EPB41L3: variants seen among roughly 807,000 people sequenced by gnomAD.
The protein encoded by EPB41L3 is band 4.1-like protein 3.
Under a neutral mutation model 127.1 loss-of-function variants are expected in EPB41L3, and 57 were observed. The observed-to-expected ratio is 0.45, with a 90% CI of 0.36 to 0.56. EPB41L3 has a LOEUF of 0.56. Among genes scored for constraint, EPB41L3 ranks in the 20% least tolerant of loss-of-function variants. EPB41L3 has a pLI of 0.00. For missense variants in EPB41L3, 1,273 were observed against 1,372.2 expected, an observed-to-expected ratio of 0.93 and a Z score of 1.14; for synonymous variants, 572 against 549.5, an observed-to-expected ratio of 1.04 and a Z score of -0.57.
chr18:5,427,832 G>A (rs569915596), intron 9 of EPB41L3, among the ~76,000 whole-genome samples: 1 of 151,608 alleles, frequency 6.6e-6, no homozygotes, highest in African/African-American at 2.4e-5. Flanking sequence ...TGCAAGCTCC[G>A]CCCCCTGGGT....
intron 3 of EPB41L3, among the ~76,000 whole-genome samples, chr18:5,459,764 T>A (rs562701948): frequency 6.6e-6 from 1 of 152,250 alleles, no homozygotes; most frequent in Non-Finnish European, 1.5e-5. Context: ...TGATTATACA[T>A]GATGCACATA....
intron 3 of EPB41L3, among the ~76,000 whole-genome samples, chr18:5,457,795 C>T (rs142399040): frequency 1.2e-4 from 19 of 152,256 alleles, no homozygotes; most frequent in Non-Finnish European, 1.6e-4. Context: ...AAGCCTTCTA[C>T]CCGTTCGTCC....
At chr18:5,517,968 C>T (rs2092817568) in intron 1 of EPB41L3, among the ~76,000 whole-genome samples, 1 of 152,118 alleles carries the variant, frequency 6.6e-6, no homozygotes, top group Non-Finnish European at 1.5e-5. Context: ...CTTTGAAGAG[C>T]TTAACTGGCG....
At chr18:5,420,972 GAC>G (rs2145078236) in intron 11 of EPB41L3, among the ~76,000 whole-genome samples, 1 of 152,246 alleles carries the variant, frequency 6.6e-6, no homozygotes, top group South Asian at 2.1e-4. Flanking sequence ...GCTCATATGA[GAC>G]ACAACTTCCT....
At chr18:5,630,317 C>T, upstream of EPB41L3, 1 of 512,746 alleles carries the variant, frequency 2.0e-6, no homozygotes, top group Non-Finnish European at 3.9e-6. Context: ...CGCCCCTGCC[C>T]ACGGGGCTAG....
At chr18:5,436,119 A>G (rs1007503694) in intron 6 of EPB41L3, among the ~76,000 whole-genome samples, 2 of 150,702 alleles carry the variant, frequency 1.3e-5, no homozygotes, top group South Asian at 4.2e-4. Flanking sequence ...ACTGCCAAAG[A>G]CCCCAAGGTA....
intron 6 of EPB41L3, among the ~76,000 whole-genome samples, chr18:5,435,149 A>G (rs2079573004): frequency 2.0e-5 from 3 of 152,236 alleles, no homozygotes; most frequent in African/African-American, 7.2e-5. Context: ...GTGCAGCTGT[A>G]TGATGTGTGT....
chr18:5,394,967 C>G, intron 21 of EPB41L3, 100 bp downstream of exon 21: 1 of 1,303,842 alleles, frequency 7.7e-7, no homozygotes, highest in Non-Finnish European at 1.1e-6. Flanking sequence ...GAATTTTCTT[C>G]GGAATACATG....
intron 3 of EPB41L3, chr18:5,577,538 A>G (rs963924272): frequency 1.3e-5 from 4 of 315,270 alleles, no homozygotes; most frequent in African/African-American, 8.9e-5. Context: ...TCAACACTCC[A>G]AAAATCAAGC....
At chr18:5,541,055 A>G (rs2093708270) in intron 1 of EPB41L3, among the ~76,000 whole-genome samples, 1 of 128,588 alleles carries the variant, frequency 7.8e-6, no homozygotes, top group Non-Finnish European at 1.7e-5. Flanking sequence ...ACTGCACTCC[A>G]GCCTGGGCGA....
chr18:5,554,121 G>A (rs1940999), intron 3 of EPB41L3, among the ~76,000 whole-genome samples: 10,868 of 152,270 alleles, frequency 0.071, 1,173 homozygotes, highest in African/African-American at 0.24. Flanking sequence ...CACAGTAAAA[G>A]CAAAACTGTG....
Position 5,454,107 on chromosome 18 carries a change from T to C in EPB41L3, c.382-8863A>G, listed in dbSNP as rs562966912. ...ACACCTGGACTCTGTGTAAGTCACC[T>C]TTCCTGGGCTTCCTTTTTTTCTAAC... On this transcript the variant is annotated intron_variant, in intron 3 of 22. Transcript: ENST00000341928. Among the ~76,000 whole-genome samples the C allele has an allele frequency of 2.0e-5, 3 of 152,246 alleles. No individual in the cohort carries two copies. The East Asian group carries it at 5.8e-4, about 29-fold the overall frequency.
rs565193283 is a variant in EPB41L3, at chr18:5,398,665, C to T, written c.2350-522G>A. ...ACACTGGTTACCACTACTCGGGAGGCGGATGACTCAGTAACGTAATGGGCA... is the reference window on the plus strand; with the variant it reads ...ACACTGGTTACCACTACTCGGGAGGTGGATGACTCAGTAACGTAATGGGCA... On this transcript the variant is annotated intron_variant, in intron 16 of 22. Coordinates refer to ENST00000341928, the MANE Select transcript of EPB41L3 (RefSeq NM_012307.5). The T allele has an allele frequency of 3.3e-5, 13 of 399,872 alleles. No homozygotes were observed. The South Asian group carries it at 1.3e-3, about 39-fold the overall frequency. 24.8% of individuals were successfully genotyped at this position (399,872 alleles called of 1,614,324 possible).
intron 3 of EPB41L3, among the ~76,000 whole-genome samples, chr18:5,591,181 T>C (rs2094482642): frequency 1.3e-5 from 2 of 152,208 alleles, no homozygotes; most frequent in East Asian, 3.8e-4. Context: ...CATTCGTAAA[T>C]ATTCATGGAA....
intron 3 of EPB41L3, among the ~76,000 whole-genome samples, chr18:5,553,830 G>C (rs969721914): frequency 6.6e-6 from 1 of 152,150 alleles, no homozygotes; most frequent in Non-Finnish European, 1.5e-5. Context: ...TGTCAGCCTG[G>C]TAAAACATAA....
chr18:5,400,999 CT>C, intron 16 of EPB41L3: 1 of 1,534,074 alleles, frequency 6.5e-7, no homozygotes, highest in Non-Finnish European at 8.7e-7. Flanking sequence ...CGCTTCCTTG[CT>C]GCAAAAATAT....
At chr18:5,432,517 C>A (rs1462085344) in intron 8 of EPB41L3, among the ~76,000 whole-genome samples, 1 of 152,190 alleles carries the variant, frequency 6.6e-6, no homozygotes, top group Non-Finnish European at 1.5e-5. Flanking sequence ...GCATCAGAAT[C>A]CAAACCTAGG....
chr18:5,453,609 G>C (rs2082593536), intron 3 of EPB41L3, among the ~76,000 whole-genome samples: 1 of 152,110 alleles, frequency 6.6e-6, no homozygotes, highest in Non-Finnish European at 1.5e-5. Context: ...ATCCTTATTT[G>C]AGGGGCTGTC....
At chr18:5,412,762 T>C (rs2076350906) in intron 13 of EPB41L3, among the ~76,000 whole-genome samples, 1 of 151,944 alleles carries the variant, frequency 6.6e-6, no homozygotes, top group Admixed American at 6.6e-5. Flanking sequence ...GCACTTTTCA[T>C]ATTTTAATCT....
Sources: gnomAD v4.1 joint callset for allele counts (sites outside exome capture counted in the v4.1 genomes callset) on GRCh38, gnomAD v4.1.1 for gene constraint, MANE v1.5 for transcripts, NCBI Gene and HGNC (gene_info 2026-07-23, HGNC 2026-07-21) for gene names.